Variants in SLC13A3 observed in about 807,000 individuals in gnomAD.
SLC13A3 encodes Na(+)/dicarboxylate cotransporter 3.
A neutral mutation model predicts 59.0 loss-of-function variants in SLC13A3; 40 were observed. The observed-to-expected ratio is 0.68, with a 90% CI of 0.53 to 0.88. The LOEUF (loss-of-function observed/expected upper bound fraction) is 0.88, where lower values mean the gene tolerates loss of function less well. Among genes scored for constraint, SLC13A3 ranks in the 40% least tolerant of loss-of-function variants. The probability of loss-of-function intolerance (pLI) is 0.00; values close to 1 mark genes in which losing one functional copy is unlikely to be tolerated. For synonymous variants in SLC13A3, 317 were observed against 330.3 expected (o/e 0.96, Z 0.44); for missense variants, 699 against 783.2 (o/e 0.89, Z 1.28).
chr20:46,641,855 C>T (rs932466131), intron 1 of SLC13A3, among the ~76,000 whole-genome samples: 2 of 152,162 alleles, frequency 1.3e-5, no homozygotes, highest in East Asian at 1.9e-4. Context: ...AACAACCAAT[C>T]GAGACCCCAT....
chr20:46,672,799 T>C (rs1444742977), upstream of SLC13A3, among the ~76,000 whole-genome samples: 2 of 152,174 alleles, frequency 1.3e-5, no homozygotes, highest in East Asian at 3.9e-4. Context: ...TCTGCTCTGG[T>C]TGACAGCTGA....
At chr20:46,629,241 G>C (rs1179014719) in intron 1 of SLC13A3, among the ~76,000 whole-genome samples, 1 of 152,170 alleles carries the variant, frequency 6.6e-6, no homozygotes, top group East Asian at 1.9e-4. Flanking sequence ...AGAATTAGCA[G>C]ATATTTAATT....
intron 3 of SLC13A3, chr20:46,608,810 T>C (rs2062462308): frequency 6.8e-7 from 1 of 1,466,700 alleles, no homozygotes; most frequent in Non-Finnish European, 9.1e-7. Context: ...TTGTGTTCAC[T>C]GAGGTAAATG....
intron 1 of SLC13A3, among the ~76,000 whole-genome samples, chr20:46,679,425 T>G (rs928812727): frequency 1.1e-4 from 17 of 151,938 alleles, no homozygotes; most frequent in Non-Finnish European, 2.1e-4. Context: ...CCATCCTGGC[T>G]AACACGGTGA....
chr20:46,645,112 C>G (rs1395194973), intron 1 of SLC13A3, among the ~76,000 whole-genome samples: 15 of 152,164 alleles, frequency 9.9e-5, no homozygotes, highest in Non-Finnish European at 1.5e-5. Flanking sequence ...CTGGAGGCCA[C>G]CTGCATTCCT....
At chr20:46,675,535 C>A (rs2063119683) in intron 1 of SLC13A3, among the ~76,000 whole-genome samples, 1 of 150,730 alleles carries the variant, frequency 6.6e-6, no homozygotes, top group Admixed American at 6.6e-5. Flanking sequence ...CACGAGCAAC[C>A]ATGCCCGGCC....
At chr20:46,670,015 G>A (rs2122929595) in intron 1 of SLC13A3, 1 of 152,276 alleles carries the variant, frequency 6.6e-6, no homozygotes, top group Non-Finnish European at 1.5e-5. Context: ...ACTTAACAAT[G>A]CAGAAGGATA....
At chr20:46,572,586 C>T (rs2062039168) in intron 10 of SLC13A3, among the ~76,000 whole-genome samples, 1 of 152,182 alleles carries the variant, frequency 6.6e-6, no homozygotes, top group Non-Finnish European at 1.5e-5. Context: ...AGGTAAATGG[C>T]ACCATTTCCA....
rs1568947684 is a variant in SLC13A3 at position 46,632,914 on chromosome 20, T to TAGA, written c.111+18396_111+18397insTCT. On this transcript the variant is annotated intron_variant, in intron 1 of 12. Coordinates refer to ENST00000279027, the MANE Select transcript of SLC13A3 (RefSeq NM_022829.6). ...ATAGATAGATAGATAGATAGATATA[T>TAGA]CTATCTATCTATCTATCTATCTATC... Among the ~76,000 whole-genome samples, 35 of 17,904 alleles carry TAGA rather than the reference T, an allele frequency of 2.0e-3. 2 individuals are homozygous for TAGA. The highest frequency in any genetic ancestry group is 2.3e-3 in the African/African-American group (10 of 4,268). 11.7% of individuals were successfully genotyped at this position (17,904 alleles called of 152,430 possible).
chr20:46,671,269 C>T (rs1277924710), upstream of SLC13A3, among the ~76,000 whole-genome samples: 1 of 152,174 alleles, frequency 6.6e-6, no homozygotes, highest in Non-Finnish European at 1.5e-5. Flanking sequence ...TTTGGGACAA[C>T]TTTGAGGGGC....
chr20:46,588,262 C>T (rs971648795), intron 7 of SLC13A3, 99 bp from the exon 8 acceptor site: 5 of 655,762 alleles, frequency 7.6e-6, no homozygotes, highest in African/African-American at 1.8e-5. Flanking sequence ...TGACTGGGCC[C>T]GGGCTCTGCC....
At chr20:46,619,048 CT>C (rs1160421598) in intron 1 of SLC13A3, among the ~76,000 whole-genome samples, 8 of 152,208 alleles carry the variant, frequency 5.3e-5, no homozygotes, top group Non-Finnish European at 1.2e-4. Flanking sequence ...CTTCCATGCT[CT>C]TCACTGTTTC....
chr20:46,584,666 G>C (rs1175897222), intron 8 of SLC13A3: 2 of 227,214 alleles, frequency 8.8e-6, no homozygotes, highest in Non-Finnish European at 1.5e-5. Context: ...AGGGTGTTGG[G>C]AACATATGCC....
chr20:46,587,437 G>A (rs761857337), intron 8 of SLC13A3, among the ~76,000 whole-genome samples: 2 of 151,868 alleles, frequency 1.3e-5, no homozygotes, highest in Non-Finnish European at 2.9e-5. Flanking sequence ...TTCCTCACCC[G>A]CTTTCCTTCC....
chr20:46,584,913 T>G (rs191973690), intron 8 of SLC13A3, among the ~76,000 whole-genome samples: 1 of 152,306 alleles, frequency 6.6e-6, no homozygotes, highest in East Asian at 1.9e-4. Flanking sequence ...ATTCATATTA[T>G]GAAGTACACT....
intron 1 of SLC13A3, among the ~76,000 whole-genome samples, chr20:46,632,008 C>T (rs1160033345): frequency 1.3e-5 from 2 of 152,156 alleles, no homozygotes. Flanking sequence ...TGCCCCAGCT[C>T]CCTGCTGGGC....
chr20:46,642,133 G>A (rs1171096248), intron 1 of SLC13A3, among the ~76,000 whole-genome samples: 2 of 152,200 alleles, frequency 1.3e-5, no homozygotes, highest in African/African-American at 4.8e-5. Flanking sequence ...GGCATGGTAT[G>A]CCTCCTGCTT....
intron 1 of SLC13A3, among the ~76,000 whole-genome samples, chr20:46,650,098 T>C (rs148115771): frequency 0.011 from 1,701 of 152,324 alleles, 13 homozygotes; most frequent in Non-Finnish European, 0.015. Context: ...TGCCCTCTCA[T>C]GATGCCCTGG....
At chr20:46,636,271 G>C (rs1446202333) in intron 1 of SLC13A3, among the ~76,000 whole-genome samples, 1 of 152,176 alleles carries the variant, frequency 6.6e-6, no homozygotes, top group Non-Finnish European at 1.5e-5. Context: ...TATAGATCTT[G>C]CTTATTTATC....
Sources: gnomAD v4.1 joint callset for allele counts (sites outside exome capture counted in the v4.1 genomes callset) on GRCh38, gnomAD v4.1.1 for gene constraint, MANE v1.5 for transcripts, NCBI Gene and HGNC (gene_info 2026-07-23, HGNC 2026-07-21) for gene names.